The following LRRC4C variants were observed in gnomAD, a reference collection of about 807,000 sequenced individuals.
The protein encoded by LRRC4C is leucine rich repeat containing 4C.
In LRRC4C, 5 loss-of-function variants were observed where a neutral mutation model predicts 33.6. The observed-to-expected ratio is 0.15, with a 90% CI of 0.08 to 0.31. The LOEUF (loss-of-function observed/expected upper bound fraction) is 0.31, where lower values mean the gene tolerates loss of function less well. Among genes scored for constraint, LRRC4C ranks in the 10% least tolerant of loss-of-function variants. The probability of loss-of-function intolerance (pLI) is 1.00; values close to 1 mark genes in which losing one functional copy is unlikely to be tolerated. For missense variants in LRRC4C, 560 were observed against 796.7 expected (o/e 0.70, Z 3.58); for synonymous variants, 329 against 302.0 (o/e 1.09, Z -0.93).
chr11:40,334,492 G>A (rs1332122776), intron 3 of LRRC4C, among the ~76,000 whole-genome samples: 1 of 152,106 alleles, frequency 6.6e-6, no homozygotes, highest in Non-Finnish European at 1.5e-5. Context: ...AGGGGAAGAA[G>A]GTAATTACAT....
At chr11:40,554,303 T>C (rs1178905798) in intron 3 of LRRC4C, among the ~76,000 whole-genome samples, 3 of 152,212 alleles carry the variant, frequency 2.0e-5, no homozygotes, top group Non-Finnish European at 2.9e-5. Flanking sequence ...TCTATGTGTC[T>C]ACTTTTGTAC....
chr11:40,964,357 G>A (rs890894227), intron 1 of LRRC4C, among the ~76,000 whole-genome samples: 3 of 151,432 alleles, frequency 2.0e-5, no homozygotes, highest in South Asian at 2.1e-4. Context: ...TTGCTTTAAG[G>A]GTAGTTTTTT....
At chr11:40,728,519 G>C (rs1032531563) in intron 2 of LRRC4C, among the ~76,000 whole-genome samples, 1 of 150,854 alleles carries the variant, frequency 6.6e-6, no homozygotes, top group Non-Finnish European at 1.5e-5. Context: ...CCAGCCTCTC[G>C]GAAGGCTGAG....
At chr11:41,223,815 T>C (rs1412489029) in intron 1 of LRRC4C, among the ~76,000 whole-genome samples, 2 of 152,174 alleles carry the variant, frequency 1.3e-5, no homozygotes, top group East Asian at 1.9e-4. Context: ...AACTATTGGA[T>C]GTCCAGTTGG....
At chr11:40,241,320 T>C (rs1865911236) in intron 5 of LRRC4C, among the ~76,000 whole-genome samples, 199 bp downstream of exon 5, 1 of 152,148 alleles carries the variant, frequency 6.6e-6, no homozygotes, top group Non-Finnish European at 1.5e-5. Context: ...AGCTGGAGAC[T>C]GCAGTGAGCT....
chr11:40,744,315 A>G (rs1948309404), intron 2 of LRRC4C, among the ~76,000 whole-genome samples: 1 of 152,182 alleles, frequency 6.6e-6, no homozygotes, highest in Non-Finnish European at 1.5e-5. Flanking sequence ...AAGTGCTTCT[A>G]TAAAATGGTG....
intron 3 of LRRC4C, among the ~76,000 whole-genome samples, chr11:40,343,354 TATAC>T (rs766703737): frequency 7.0e-6 from 1 of 143,602 alleles, no homozygotes; most frequent in Non-Finnish European, 1.6e-5. Context: ...TATATATATA[TATAC>T]ACATAAATAT....
chr11:41,300,997 A>G (rs1481048137), intron 1 of LRRC4C, among the ~76,000 whole-genome samples: 2 of 152,214 alleles, frequency 1.3e-5, no homozygotes, highest in African/African-American at 4.8e-5. Flanking sequence ...AACAATTTGA[A>G]GTTTTAAAAT....
chr11:40,125,590 A>G (rs1856163908), intron 6 of LRRC4C, among the ~76,000 whole-genome samples: 1 of 152,096 alleles, frequency 6.6e-6, no homozygotes, highest in Admixed American at 6.6e-5. Context: ...AGCCAATAGC[A>G]AAGAAGAGGG....
chr11:40,339,565 C>G (rs1445628208), intron 3 of LRRC4C, among the ~76,000 whole-genome samples: 1 of 152,184 alleles, frequency 6.6e-6, no homozygotes, highest in Non-Finnish European at 1.5e-5. Flanking sequence ...TTGCATAAAG[C>G]TGGCAGGCAA....
intron 1 of LRRC4C, among the ~76,000 whole-genome samples, chr11:41,348,795 G>A (rs1951881107): frequency 6.6e-6 from 1 of 152,164 alleles, no homozygotes; most frequent in African/African-American, 2.4e-5. Flanking sequence ...TAGGCATGGA[G>A]TGGCCCACTA....
intron 1 of LRRC4C, among the ~76,000 whole-genome samples, chr11:41,403,931 C>T (rs750156464): frequency 6.6e-6 from 1 of 150,424 alleles, no homozygotes; most frequent in Non-Finnish European, 1.5e-5. Flanking sequence ...CTTATACACA[C>T]ACCTGTGAGC....
chr11:40,641,849 C>T (rs1366153739), intron 3 of LRRC4C, among the ~76,000 whole-genome samples: 12 of 152,072 alleles, frequency 7.9e-5, no homozygotes, highest in African/African-American at 2.4e-4. Flanking sequence ...TTTATATTTG[C>T]GAATAGTTAT....
chr11:41,098,418 C>T (rs1940955499), intron 1 of LRRC4C, among the ~76,000 whole-genome samples: 1 of 152,042 alleles, frequency 6.6e-6, no homozygotes, highest in Non-Finnish European at 1.5e-5. Flanking sequence ...GATTCATTAA[C>T]CCCAAAATAA....
intron 2 of LRRC4C, among the ~76,000 whole-genome samples, chr11:40,679,608 A>G (rs1170162016): frequency 1.3e-5 from 2 of 152,198 alleles, no homozygotes; most frequent in Non-Finnish European, 2.9e-5. Flanking sequence ...GGGCCAAGGT[A>G]CAGCTTGGGC....
chr11:40,890,990 A>G (rs190196436), intron 2 of LRRC4C, among the ~76,000 whole-genome samples: 1 of 152,208 alleles, frequency 6.6e-6, no homozygotes, highest in Non-Finnish European at 1.5e-5. Context: ...CACCTATAAT[A>G]TCAGCACTCT....
At chr11:40,443,612 A>G (rs1005591824) in intron 3 of LRRC4C, among the ~76,000 whole-genome samples, 1 of 152,198 alleles carries the variant, frequency 6.6e-6, no homozygotes, top group African/African-American at 2.4e-5. Context: ...GAGACAGATC[A>G]GTATTTACAT....
At chr11:40,746,377 G>A (rs1439902512) in intron 2 of LRRC4C, among the ~76,000 whole-genome samples, 6 of 152,146 alleles carry the variant, frequency 3.9e-5, no homozygotes, top group Non-Finnish European at 5.9e-5. Context: ...AGCAACACTG[G>A]GGCTGAGAAG....
intron 5 of LRRC4C, among the ~76,000 whole-genome samples, chr11:40,155,711 T>TA (rs1858631096): frequency 6.6e-6 from 1 of 151,772 alleles, no homozygotes; most frequent in Non-Finnish European, 1.5e-5. Flanking sequence ...AAATGATAAC[T>TA]AAAATATTAC....
Sources: allele counts gnomAD v4.1 joint callset (sites outside exome capture counted in the v4.1 genomes callset), GRCh38; gene constraint gnomAD v4.1.1; transcripts MANE v1.5; gene names NCBI Gene and HGNC (gene_info 2026-07-23, HGNC 2026-07-21).